MTBP: variants seen among roughly 807,000 people sequenced by gnomAD.
MTBP encodes mdm2-binding protein.
A neutral mutation model predicts 117.0 loss-of-function variants in MTBP; 101 were observed. That is an observed-to-expected ratio of 0.86 (90% CI 0.73 to 1.02). The LOEUF (loss-of-function observed/expected upper bound fraction) is 1.02. MTBP is among the 50% of genes least tolerant of loss of function. The pLI is 0.00. For synonymous variants in MTBP, 350 were observed against 351.5 expected (o/e 1.00, Z 0.05); for missense variants, 970 against 1,030.9 (o/e 0.94, Z 0.81).
intron 14 of MTBP, 148 bp downstream of exon 14, chr8:120,497,702 A>ATG (rs1378797224): frequency 7.2e-6 from 4 of 557,520 alleles, no homozygotes; most frequent in Non-Finnish European, 9.2e-6. Context: ...ACAAGTATGT[A>ATG]TGTATATGTG....
At chr8:120,496,680 A>G (rs1030328817) in intron 13 of MTBP, among the ~76,000 whole-genome samples, 12 of 149,948 alleles carry the variant, frequency 8.0e-5, no homozygotes, top group African/African-American at 2.9e-4. Flanking sequence ...CCTCAATACT[A>G]TCTTTTCGTA....
At chr8:120,475,140 A>G (rs1257863482) in intron 11 of MTBP, among the ~76,000 whole-genome samples, 1 of 151,868 alleles carries the variant, frequency 6.6e-6, no homozygotes, top group Non-Finnish European at 1.5e-5. Flanking sequence ...CCATATGACT[A>G]GTTCCTAATT....
chr8:120,489,328 C>T (rs933513224), intron 12 of MTBP, among the ~76,000 whole-genome samples: 1 of 152,158 alleles, frequency 6.6e-6, no homozygotes, highest in African/African-American at 2.4e-5. Context: ...TGATCCACTG[C>T]GCCCGGCCTA....
chr8:120,472,245 T>C (rs957485363), intron 11 of MTBP: 5 of 152,200 alleles, frequency 3.3e-5, no homozygotes, highest in African/African-American at 1.2e-4. Flanking sequence ...GGAGAGATAC[T>C]GAATTCTATT....
intron 9 of MTBP, among the ~76,000 whole-genome samples, chr8:120,462,342 A>G (rs544232752): frequency 9.2e-5 from 14 of 152,204 alleles, no homozygotes; most frequent in East Asian, 1.9e-4. Flanking sequence ...ACACGGTATT[A>G]TGATTTATTT....
rs1229855407 is a variant in MTBP, at chr8:120,522,646, A to G, written c.2611-8A>G. ...AGATTGTAAAATGCTGTATTTTATT[A>G]TGTTTAGGATCTTAAAACTTCAAGG... On this transcript the variant is annotated splice_region_variant and splice_polypyrimidine_tract_variant and intron_variant, in intron 20 of 21. Coordinates refer to ENST00000305949, the MANE Select transcript of MTBP (RefSeq NM_022045.5). 4.5e-6 allele frequency: 7 copies of G among 1,561,306 alleles called. No homozygotes were observed. Among genetic ancestry groups the G allele is most frequent in the Non-Finnish European group, 5.3e-6 (6 of 1,138,046 alleles).
intron 13 of MTBP, among the ~76,000 whole-genome samples, chr8:120,491,289 A>G (rs1214585785): frequency 3.3e-5 from 5 of 152,146 alleles, no homozygotes; most frequent in Admixed American, 1.3e-4. Context: ...AATAAGAACT[A>G]TCATTCTTTT....
chr8:120,469,288 C>T (rs537085521), intron 10 of MTBP, among the ~76,000 whole-genome samples: 4 of 152,188 alleles, frequency 2.6e-5, no homozygotes, highest in Non-Finnish European at 4.4e-5. Flanking sequence ...TCAGGTGATC[C>T]ACTTGCCTCG....
intron 16 of MTBP, among the ~76,000 whole-genome samples, chr8:120,508,115 T>C (rs1814727333): frequency 6.6e-6 from 1 of 152,152 alleles, no homozygotes; most frequent in African/African-American, 2.4e-5. Context: ...GGCTATCAAA[T>C]GTATCTTCTG....
chr8:120,495,274 T>C (rs1013510607), intron 13 of MTBP, among the ~76,000 whole-genome samples: 4 of 152,206 alleles, frequency 2.6e-5, no homozygotes, highest in Non-Finnish European at 5.9e-5. Flanking sequence ...TCTGCTTTGC[T>C]ATGTTTCTGT....
intron 17 of MTBP, among the ~76,000 whole-genome samples, chr8:120,512,915 T>C (rs1333992993): frequency 6.6e-6 from 1 of 152,080 alleles, no homozygotes; most frequent in Non-Finnish European, 1.5e-5. Context: ...AATATGAAAC[T>C]ACAAAGAAAG....
intron 13 of MTBP, among the ~76,000 whole-genome samples, chr8:120,492,281 A>C (rs1814362428): frequency 6.6e-6 from 1 of 152,238 alleles, no homozygotes; most frequent in African/African-American, 2.4e-5. Context: ...TTGGAGACAA[A>C]GATGCATCTG....
At chr8:120,500,208 G>A (rs558671660) in intron 14 of MTBP, among the ~76,000 whole-genome samples, 13 of 151,846 alleles carry the variant, frequency 8.6e-5, no homozygotes, top group Admixed American at 3.9e-4. Flanking sequence ...AGTGTTCTTG[G>A]TTTCTCAGAG....
At chr8:120,515,874 T>C in intron 17 of MTBP, 51 bp from the exon 18 acceptor site, 3 of 1,515,190 alleles carry the variant, frequency 2.0e-6, no homozygotes, top group Non-Finnish European at 2.7e-6. Context: ...AAGGGGAAAG[T>C]CTGTTGCTCT....
intron 14 of MTBP, among the ~76,000 whole-genome samples, chr8:120,500,783 G>A (rs1563801775): frequency 1.3e-5 from 2 of 152,206 alleles, no homozygotes; most frequent in Non-Finnish European, 1.5e-5. Context: ...CAGGCCAGGC[G>A]TGGTGGCTCA....
chr8:120,517,360 G>C (rs1431506654), intron 18 of MTBP, among the ~76,000 whole-genome samples: 1 of 151,936 alleles, frequency 6.6e-6, no homozygotes, highest in Non-Finnish European at 1.5e-5. Context: ...TCTATAAATA[G>C]CAGCACTCTT....
chr8:120,520,072 C>T (rs2130624304), intron 20 of MTBP, among the ~76,000 whole-genome samples: 1 of 152,218 alleles, frequency 6.6e-6, no homozygotes, highest in Admixed American at 6.6e-5. Flanking sequence ...TTTAGTGTCT[C>T]ACTTTTAAAT....
chr8:120,451,659 T>A (rs2130509152), intron 4 of MTBP: 1 of 231,542 alleles, frequency 4.3e-6, no homozygotes, highest in South Asian at 5.7e-5. Flanking sequence ...CACGGCTTGC[T>A]ACAGCCTAGA....
At chr8:120,450,443 A>G (rs1813313562) in intron 2 of MTBP, among the ~76,000 whole-genome samples, 1 of 152,100 alleles carries the variant, frequency 6.6e-6, no homozygotes, top group Admixed American at 6.5e-5. Context: ...TTTGAGTCTA[A>G]TTTCTATACA....
Sources: allele counts gnomAD v4.1 joint callset (sites outside exome capture counted in the v4.1 genomes callset), GRCh38; gene constraint gnomAD v4.1.1; transcripts MANE v1.5; gene names NCBI Gene and HGNC (gene_info 2026-07-23, HGNC 2026-07-21).